THSD4: variants seen among roughly 807,000 people sequenced by gnomAD.
THSD4 encodes thrombospondin type 1 domain containing 4.
THSD4 carries 69 observed loss-of-function variants against 119.0 expected under a neutral mutation model. That is an observed-to-expected ratio of 0.58 (90% CI 0.48 to 0.71). THSD4 has a LOEUF of 0.71. Ranked by LOEUF, THSD4 falls within the 30% of genes least tolerant of loss-of-function variation. The pLI is 0.00. For missense variants in THSD4, 1,393 were observed against 1,391.1 expected (o/e 1.00, Z -0.02); for synonymous variants, 524 against 540.4 (o/e 0.97, Z 0.42).
Position 71,669,886 on chromosome 15 carries a change from A to G in THSD4, c.1357+9152A>G, listed in dbSNP as rs535054837. On this transcript the variant is annotated intron_variant, in intron 8 of 17. Transcript: ENST00000261862. Reference sequence around the variant, plus strand: ...GAGGCATATGAGGATTCAGTAGGATAAACACGAATTGCCTAGCATGATAAT... The same window carrying G: ...GAGGCATATGAGGATTCAGTAGGATGAACACGAATTGCCTAGCATGATAAT... Among the ~76,000 whole-genome samples, 131 of 152,348 alleles carry G rather than the reference A, an allele frequency of 8.6e-4. No individual in the cohort carries two copies. In the South Asian group the frequency reaches 9.3e-3, roughly 11 times the overall value.
intron 7 of THSD4, among the ~76,000 whole-genome samples, chr15:71,633,732 C>G (rs769579103): frequency 6.6e-6 from 1 of 152,214 alleles, no homozygotes; most frequent in Admixed American, 6.5e-5. Flanking sequence ...TTTCCCTCTG[C>G]TAGACTGGCA....
intron 6 of THSD4, among the ~76,000 whole-genome samples, chr15:71,385,463 T>C (rs1255285529): frequency 6.6e-6 from 1 of 152,132 alleles, no homozygotes. Flanking sequence ...GCAGAACAGG[T>C]TCAGAAAGAC....
chr15:71,291,319 A>G (rs578244805), intron 6 of THSD4, among the ~76,000 whole-genome samples: 68 of 152,202 alleles, frequency 4.5e-4, no homozygotes, highest in Non-Finnish European at 8.5e-4. Context: ...GTATGCATAT[A>G]TAGAAATAGG....
At chr15:71,443,010 T>G (rs901547765) in intron 7 of THSD4, among the ~76,000 whole-genome samples, 1 of 151,774 alleles carries the variant, frequency 6.6e-6, no homozygotes, top group African/African-American at 2.4e-5. Flanking sequence ...CCAGGAAGAT[T>G]AGGTACTTAA....
At chr15:71,102,657 C>T (rs1053415224) in intron 1 of THSD4, among the ~76,000 whole-genome samples, 1 of 152,098 alleles carries the variant, frequency 6.6e-6, no homozygotes, top group Non-Finnish European at 1.5e-5. Context: ...CTCCACCTCC[C>T]GGATTTAAGA....
intron 16 of THSD4, among the ~76,000 whole-genome samples, chr15:71,769,962 C>T (rs1300924103): frequency 2.2e-5 from 2 of 89,450 alleles, no homozygotes; most frequent in Non-Finnish European, 4.2e-5. Context: ...ATGGACTTTC[C>T]CAGGCCAGCT....
chr15:71,610,827 G>C (rs573934957), intron 7 of THSD4, among the ~76,000 whole-genome samples: 1 of 152,316 alleles, frequency 6.6e-6, no homozygotes, highest in East Asian at 1.9e-4. Context: ...GGGAAGCAGA[G>C]AGCAGTAGGG....
rs74844190 is a variant in THSD4 at position 71,434,784 on chromosome 15, T to G, written c.1152+22961T>G. Reference sequence around the variant, plus strand: ...CTAACCATTTCTAACCACAGACCTTTCTTTTTGAAACAATCCTTTACAATT... The same window carrying G: ...CTAACCATTTCTAACCACAGACCTTGCTTTTTGAAACAATCCTTTACAATT... On this transcript the variant is annotated intron_variant, in intron 7 of 17. Transcript: ENST00000261862. Among the ~76,000 whole-genome samples the G allele has an allele frequency of 9.2e-3, 1,400 of 152,306 alleles. 29 individuals carry two copies. Among genetic ancestry groups the G allele is most frequent in the African/African-American group, 0.033 (1,355 of 41,568 alleles).
rs753194991 is a variant in THSD4, at chr15:71,775,159, T to C, written c.2915-2073T>C. On this transcript the variant is annotated intron_variant, in intron 17 of 17. Transcript: ENST00000261862. ...AAAACTCCATCTCAAAAAAAAAAATTAGAAGCAATTACATTTCTATAACTA... is the reference window on the plus strand; with the variant it reads ...AAAACTCCATCTCAAAAAAAAAAATCAGAAGCAATTACATTTCTATAACTA... 9.2e-5 allele frequency among the ~76,000 whole-genome samples: 14 copies of C among 151,934 alleles called. No homozygotes were observed. In the South Asian group the frequency reaches 1.5e-3, roughly 16 times the overall value.
At chr15:71,236,981 G>C (rs578114039) in intron 4 of THSD4, among the ~76,000 whole-genome samples, 1 of 152,310 alleles carries the variant, frequency 6.6e-6, no homozygotes, top group Admixed American at 6.5e-5. Context: ...CGATGCTGGA[G>C]AAAGCAGCTG....
chr15:71,357,859 C>T (rs2140415473), intron 6 of THSD4, among the ~76,000 whole-genome samples: 1 of 152,226 alleles, frequency 6.6e-6, no homozygotes, highest in African/African-American at 2.4e-5. Flanking sequence ...TTCTAGTTTC[C>T]CTTCACACTA....
chr15:71,350,658 A>G (rs939553012), intron 6 of THSD4, among the ~76,000 whole-genome samples: 8 of 152,216 alleles, frequency 5.3e-5, no homozygotes, highest in Admixed American at 2.6e-4. Context: ...AAATTCAGCT[A>G]GAAAGAATGG....
At chr15:71,574,420 A>T (rs969184553) in intron 7 of THSD4, among the ~76,000 whole-genome samples, 2 of 152,144 alleles carry the variant, frequency 1.3e-5, no homozygotes, top group African/African-American at 2.4e-5. Context: ...GATCCTCATG[A>T]TACCTAACAC....
chr15:71,744,147 C>CT (rs56158827), intron 11 of THSD4, among the ~76,000 whole-genome samples: 1,544 of 102,586 alleles, frequency 0.015, 14 homozygotes, highest in Middle Eastern at 0.044. Flanking sequence ...ATTGAATCAG[C>CT]TTTTTTTTTT....
At chr15:71,530,186 A>G (rs1019221125) in intron 7 of THSD4, among the ~76,000 whole-genome samples, 1 of 152,148 alleles carries the variant, frequency 6.6e-6, no homozygotes, top group Non-Finnish European at 1.5e-5. Context: ...CGAGTTCTGT[A>G]TGCAAGCTGG....
chr15:71,584,503 A>T (rs2049625733), intron 7 of THSD4, among the ~76,000 whole-genome samples: 1 of 151,990 alleles, frequency 6.6e-6, no homozygotes, highest in Admixed American at 6.6e-5. Context: ...TCCTGACCTC[A>T]GATTATCTGC....
chr15:71,282,930 A>G (rs2044670790), intron 6 of THSD4, among the ~76,000 whole-genome samples: 1 of 150,678 alleles, frequency 6.6e-6, no homozygotes, highest in South Asian at 2.1e-4. Context: ...ATTTTCATGT[A>G]TATTATTTCT....
chr15:71,373,811 G>T (rs535890119), intron 6 of THSD4, among the ~76,000 whole-genome samples: 1 of 152,210 alleles, frequency 6.6e-6, no homozygotes, highest in African/African-American at 2.4e-5. Flanking sequence ...GGCAGTTCAC[G>T]AAAGACAGTG....
chr15:71,430,416 G>A (rs2046926965), intron 7 of THSD4, among the ~76,000 whole-genome samples: 1 of 152,152 alleles, frequency 6.6e-6, no homozygotes, highest in Admixed American at 6.5e-5. Flanking sequence ...CACTTTTCAA[G>A]TTGGCTTTGC....
Sources: gnomAD v4.1 joint callset for allele counts (sites outside exome capture counted in the v4.1 genomes callset) on GRCh38, gnomAD v4.1.1 for gene constraint, MANE v1.5 for transcripts, NCBI Gene and HGNC (gene_info 2026-07-23, HGNC 2026-07-21) for gene names.